ITGA9: variants seen among roughly 807,000 people sequenced by gnomAD.
ITGA9 encodes the protein integrin subunit alpha 9.
In ITGA9, 56 loss-of-function variants were observed where a neutral mutation model predicts 127.8. The observed-to-expected ratio is 0.44, with a 90% CI of 0.35 to 0.55. ITGA9 has a LOEUF of 0.55. Among genes scored for constraint, ITGA9 ranks in the 20% least tolerant of loss-of-function variants. ITGA9 has a pLI of 0.00. For synonymous variants in ITGA9, 508 were observed against 514.5 expected, an observed-to-expected ratio of 0.99 and a Z score of 0.17; for missense variants, 1,196 against 1,347.1, an observed-to-expected ratio of 0.89 and a Z score of 1.76.
chr3:37,653,314 G>A (rs900233228), intron 16 of ITGA9, among the ~76,000 whole-genome samples: 2 of 152,178 alleles, frequency 1.3e-5, no homozygotes, highest in African/African-American at 4.8e-5. Context: ...AGCAAATAGG[G>A]GGAAATGACC....
rs560062440 is a variant in ITGA9, at chr3:37,472,602, G to T, written c.314-752G>T. 3.3e-5 allele frequency among the ~76,000 whole-genome samples: 5 copies of T among 152,128 alleles called. No individual in the cohort carries two copies. In the South Asian group the frequency reaches 1.0e-3, roughly 32 times the overall value. The stretch of plus-strand genomic sequence containing the variant: ...GTGGAGACGGGGTTTCGCCATGTTG[G>T]CCAGGCTGGTCTCGAACTTCTGGCC... On this transcript the variant is annotated intron_variant, in intron 2 of 27. Transcript: ENST00000264741.
chr3:37,530,137 G>A (rs1428541811), intron 13 of ITGA9, among the ~76,000 whole-genome samples: 1 of 152,216 alleles, frequency 6.6e-6, no homozygotes, highest in South Asian at 2.1e-4. Flanking sequence ...CAAAGGGGTT[G>A]CTGAGCATGT....
chr3:37,748,882 TC>T, intron 22 of ITGA9: 1 of 1,072,394 alleles, frequency 9.3e-7, no homozygotes, highest in Non-Finnish European at 1.5e-6. Flanking sequence ...TGGAACCTGT[TC>T]CCTATGAATT....
intron 26 of ITGA9, among the ~76,000 whole-genome samples, chr3:37,793,389 A>AACACACATACACACACACACAC (rs1270642484): frequency 7.4e-6 from 1 of 134,458 alleles, no homozygotes; most frequent in African/African-American, 2.7e-5. Context: ...CAAACAGGTC[A>AACACACATACACACACACACAC]ACACACACAC....
Position 37,513,792 on chromosome 3 carries a change from C to A in ITGA9, c.927C>A (p.Cys309Ter). ...GCTCTTACTTCGGCTCCTCCTTGTG[C>A]GCAGTTGACCTGAATGGGGACGGCC... ...KMGSYFGSSL[C>*]AVDLNGDGLS... The change falls in exon 9 of 28, where the codon TGC becomes TGA. Residue 309 changes from cysteine (C) to a stop codon, truncating the protein, a stop_gained. Coordinates refer to ENST00000264741, the MANE Select transcript of ITGA9 (RefSeq NM_002207.3). LOFTEE classifies it high-confidence loss of function. The A allele has an allele frequency of 6.2e-7, 1 of 1,614,056 alleles. No individual in the cohort carries two copies.
chr3:37,460,483 G>A (rs1022774722), intron 1 of ITGA9, among the ~76,000 whole-genome samples: 2 of 152,066 alleles, frequency 1.3e-5, no homozygotes, highest in African/African-American at 4.8e-5. Flanking sequence ...AAACGCTTCA[G>A]GTGATGGATA....
At chr3:37,524,107 C>T (rs1699070548) in intron 12 of ITGA9, among the ~76,000 whole-genome samples, 1 of 152,166 alleles carries the variant, frequency 6.6e-6, no homozygotes, top group Non-Finnish European at 1.5e-5. Context: ...TCAATGCTGG[C>T]TGGCTTGGCT....
chr3:37,481,842 A>G (rs1488167166), intron 4 of ITGA9, among the ~76,000 whole-genome samples: 3 of 152,224 alleles, frequency 2.0e-5, no homozygotes, highest in Non-Finnish European at 2.9e-5. Flanking sequence ...ACTTGGCTGC[A>G]GAGCCCACGG....
At chr3:37,569,387 A>G (rs1699579341) in intron 15 of ITGA9, among the ~76,000 whole-genome samples, 1 of 152,222 alleles carries the variant, frequency 6.6e-6, no homozygotes, top group South Asian at 2.1e-4. Context: ...ATGGGGACAC[A>G]GCCAAACCAT....
intron 1 of ITGA9, among the ~76,000 whole-genome samples, chr3:37,467,716 G>A (rs1320658621): frequency 6.6e-6 from 1 of 152,166 alleles, no homozygotes; most frequent in African/African-American, 2.4e-5. Context: ...ATGTAAATTT[G>A]GAGTTGGTGG....
At chr3:37,640,040 C>T (rs748921324) in intron 16 of ITGA9, among the ~76,000 whole-genome samples, 4 of 152,192 alleles carry the variant, frequency 2.6e-5, no homozygotes, top group South Asian at 2.1e-4. Flanking sequence ...TCAGCAGGCC[C>T]CCAAAGAGAC....
intron 15 of ITGA9, among the ~76,000 whole-genome samples, chr3:37,562,520 T>C (rs1352978977): frequency 6.6e-6 from 1 of 152,184 alleles, no homozygotes; most frequent in African/African-American, 2.4e-5. Context: ...AAACCCTTGT[T>C]TTGCTCCTCA....
At chr3:37,813,830 C>A (rs1010904952) in intron 27 of ITGA9, among the ~76,000 whole-genome samples, 1 of 152,182 alleles carries the variant, frequency 6.6e-6, no homozygotes, top group African/African-American at 2.4e-5. Context: ...GCATGTTCAA[C>A]TCCATCAAGC....
chr3:37,495,593 A>G (rs532012486), intron 5 of ITGA9, among the ~76,000 whole-genome samples: 9 of 152,230 alleles, frequency 5.9e-5, no homozygotes, highest in East Asian at 1.9e-4. Flanking sequence ...TACTATTACA[A>G]TCGCCTCCAT....
At chr3:37,720,765 C>T (rs1701182144) in intron 18 of ITGA9, among the ~76,000 whole-genome samples, 2 of 152,238 alleles carry the variant, frequency 1.3e-5, no homozygotes, top group South Asian at 4.1e-4. Flanking sequence ...CTGAAGAGGA[C>T]AATCACCAGG....
intron 23 of ITGA9, among the ~76,000 whole-genome samples, chr3:37,765,674 G>A (rs565216606): frequency 5.3e-5 from 8 of 152,274 alleles, no homozygotes; most frequent in South Asian, 2.1e-4. Flanking sequence ...GGGAGAAAGC[G>A]TGTGTGTTTC....
At chr3:37,532,187 C>T (rs1338662098) in intron 13 of ITGA9, among the ~76,000 whole-genome samples, 2 of 152,246 alleles carry the variant, frequency 1.3e-5, no homozygotes, top group East Asian at 1.9e-4. Flanking sequence ...CTGGAAGTCC[C>T]GCAGTTCCAC....
chr3:37,702,773 TG>T (rs528995136), intron 18 of ITGA9, among the ~76,000 whole-genome samples: 6 of 152,252 alleles, frequency 3.9e-5, no homozygotes, highest in Admixed American at 3.9e-4. Flanking sequence ...TTGGGAAATG[TG>T]TAATCTCAGG....
intron 4 of ITGA9, among the ~76,000 whole-genome samples, chr3:37,489,635 G>T (rs940904061): frequency 1.3e-5 from 2 of 149,754 alleles, no homozygotes; most frequent in African/African-American, 4.9e-5. Flanking sequence ...TTATATGGTG[G>T]TCCCTTGTAA....
Sources: gnomAD v4.1 joint callset for allele counts (sites outside exome capture counted in the v4.1 genomes callset) on GRCh38, gnomAD v4.1.1 for gene constraint, MANE v1.5 for transcripts, NCBI Gene and HGNC (gene_info 2026-07-23, HGNC 2026-07-21) for gene names.